The following TMEM131 variants were observed in gnomAD, a reference collection of about 807,000 sequenced individuals.
TMEM131 encodes the protein 2610524E03Rik.
TMEM131 carries 66 observed loss-of-function variants against 211.6 expected under a neutral mutation model. The observed-to-expected ratio is 0.31, with a 90% CI of 0.26 to 0.38. The LOEUF is 0.38. Among genes scored for constraint, TMEM131 ranks in the 10% least tolerant of loss-of-function variants. The pLI, the probability that TMEM131 is intolerant of heterozygous loss-of-function variation, is 1.00. For missense variants in TMEM131, 2,036 were observed against 2,299.3 expected, an observed-to-expected ratio of 0.89 and a Z score of 2.34; for synonymous variants, 844 against 841.3, an observed-to-expected ratio of 1.00 and a Z score of -0.06.
chr2:97,811,223 C>G lies in TMEM131; in HGVS notation c.1873G>C (p.Ala625Pro). 6.2e-7 allele frequency: 1 copy of G among 1,612,382 alleles called. No homozygotes were observed. The highest frequency in any genetic ancestry group is 1.1e-5 in the South Asian group (1 of 91,022). Residue 625 changes from alanine to proline, a missense_variant, in exon 18 of 41, where the codon GCT (alanine) becomes CCT (proline). Ala to Pro is a conservative substitution (Grantham distance 27). This residue lies in a region of TMEM131 where 1,623 missense variants were observed against 1,805.9 expected (regional missense o/e 0.90). Transcript: ENST00000186436. The stretch of plus-strand genomic sequence containing the variant: ...CTGAAGACTGCAAAATAGCCTGAAG[C>G]TAATGTTACCTGTAGATAGTAGAAA... ...SLSDQSSVTL[A>P]SGYFAVFRVK...
chr2:97,892,357 G>C (rs7557495), intron 3 of TMEM131, among the ~76,000 whole-genome samples: 52,450 of 151,860 alleles, frequency 0.35, 9,966 homozygotes, highest in Middle Eastern at 0.48. Flanking sequence ...TCGAAATGAT[G>C]ATCATTTTTT....
At chr2:97,846,399 C>A (rs962848584) in intron 5 of TMEM131, among the ~76,000 whole-genome samples, 1 of 152,102 alleles carries the variant, frequency 6.6e-6, no homozygotes, top group African/African-American at 2.4e-5. Context: ...ATTCAAAAAT[C>A]AAATCAATGT....
intron 19 of TMEM131, among the ~76,000 whole-genome samples, chr2:97,806,948 C>T (rs535927600): frequency 9.9e-5 from 15 of 152,264 alleles, no homozygotes; most frequent in African/African-American, 2.2e-4. Context: ...CAGGAGCCCT[C>T]GGGCAGTCAC....
intron 1 of TMEM131, among the ~76,000 whole-genome samples, chr2:97,950,513 C>T (rs1313177544): frequency 6.6e-6 from 1 of 152,170 alleles, no homozygotes; most frequent in Non-Finnish European, 1.5e-5. Flanking sequence ...ACTTGCTTCT[C>T]CCCCTGCTAG....
Position 97,994,844 on chromosome 2 carries a change from C to T in TMEM131, c.187+632G>A, listed in dbSNP as rs75949173. Among the ~76,000 whole-genome samples, 477 of 152,292 alleles carry T rather than the reference C, an allele frequency of 3.1e-3. 1 individual carries two copies. Among genetic ancestry groups the T allele is most frequent in the African/African-American group, 0.011 (454 of 41,548 alleles). On this transcript the variant is annotated intron_variant, in intron 1 of 40. Coordinates refer to ENST00000186436, the MANE Select transcript of TMEM131 (RefSeq NM_015348.2). ...ATAAATGCTTGCAAGCTGGCAACTT[C>T]ACGTTTATTTTTAAAGGCTTTCACA...
intron 1 of TMEM131, among the ~76,000 whole-genome samples, chr2:97,977,467 T>C (rs1457495907): frequency 1.3e-5 from 2 of 152,308 alleles, no homozygotes; most frequent in Middle Eastern, 3.4e-3. Context: ...AATGCAGGAA[T>C]GCCTCAGAGA....
At chr2:97,897,815 G>A (rs967035486) in intron 3 of TMEM131, among the ~76,000 whole-genome samples, 2 of 152,066 alleles carry the variant, frequency 1.3e-5, no homozygotes, top group Non-Finnish European at 1.5e-5. Flanking sequence ...GTGTCTGATC[G>A]AATTTACCAG....
chr2:97,918,620 A>T (rs1255315955), intron 2 of TMEM131, among the ~76,000 whole-genome samples: 2 of 152,166 alleles, frequency 1.3e-5, no homozygotes. Context: ...CAAAAACAAC[A>T]ACAAAAAGGC....
At chr2:97,942,891 G>C (rs1677808148) in intron 1 of TMEM131, among the ~76,000 whole-genome samples, 1 of 151,360 alleles carries the variant, frequency 6.6e-6, no homozygotes, top group South Asian at 2.1e-4. Flanking sequence ...GGAGGCTGAG[G>C]CTGAAGGATC....
At chr2:97,925,395 G>A (rs1236084365) in intron 2 of TMEM131, among the ~76,000 whole-genome samples, 1 of 152,180 alleles carries the variant, frequency 6.6e-6, no homozygotes, top group Non-Finnish European at 1.5e-5. Context: ...TTCTTCTGTT[G>A]AGATGCAGAT....
intron 31 of TMEM131, among the ~76,000 whole-genome samples, chr2:97,785,715 C>G (rs1680215691): frequency 6.6e-6 from 1 of 152,196 alleles, no homozygotes. Flanking sequence ...AACTTGTACA[C>G]AAATATTTGT....
intron 1 of TMEM131, among the ~76,000 whole-genome samples, chr2:97,967,529 G>A (rs747971075): frequency 3.3e-5 from 5 of 151,928 alleles, no homozygotes; most frequent in Non-Finnish European, 4.4e-5. Context: ...AAAAAAAAGA[G>A]TATAAAGATC....
At chr2:97,989,846 A>C (rs565452745) in intron 1 of TMEM131, among the ~76,000 whole-genome samples, 1 of 152,350 alleles carries the variant, frequency 6.6e-6, no homozygotes, top group South Asian at 2.1e-4. Flanking sequence ...AACAACAACA[A>C]AACAGATTTG....
chr2:97,818,686 C>A lies in TMEM131; in HGVS notation c.1110G>T (p.Thr370=). ...TTAATGTAATTGGTTTAAAGTGTAC[C>A]GTTATAGCATCATTTTGTGGTGTAG... is the stretch of plus-strand genomic sequence containing the variant. ...VRPTPQNDAI[T]VHFKPITLKA... is the part of the protein sequence containing the mutation. Residue 370 remains threonine (T), a synonymous_variant, in exon 12 of 41, where the codon ACG becomes ACT. Coordinates refer to ENST00000186436, the MANE Select transcript of TMEM131 (RefSeq NM_015348.2). 1.2e-6 allele frequency: 2 copies of A among 1,607,144 alleles called. No individual in the cohort carries two copies. The highest frequency in any genetic ancestry group is 1.7e-6 in the Non-Finnish European group (2 of 1,176,028).
intron 2 of TMEM131, among the ~76,000 whole-genome samples, chr2:97,923,814 C>T (rs376227341): frequency 7.2e-5 from 11 of 152,102 alleles, no homozygotes; most frequent in Admixed American, 2.0e-4. Context: ...TTAGGCCGGG[C>T]GCAGTGGCCT....
In TMEM131 at chr2:97,908,641, T is replaced by C; in HGVS notation, c.290+17A>G. 1 of 1,579,274 alleles carries C rather than the reference T, an allele frequency of 6.3e-7. No homozygotes were observed. Among genetic ancestry groups the C allele is most frequent in the Non-Finnish European group, 8.7e-7 (1 of 1,151,916 alleles). On this transcript the variant is annotated intron_variant, in intron 3 of 40. Transcript: ENST00000186436. ...AGGAACCGAAAGTATGTTAATTATCTTATTAAATATACTTACCTTTTCTGC... is the reference window on the plus strand; with the variant it reads ...AGGAACCGAAAGTATGTTAATTATCCTATTAAATATACTTACCTTTTCTGC...
intron 2 of TMEM131, among the ~76,000 whole-genome samples, chr2:97,915,729 T>C (rs1369249924): frequency 2.0e-5 from 3 of 152,196 alleles, no homozygotes; most frequent in Non-Finnish European, 4.4e-5. Flanking sequence ...ACTCTTTGCC[T>C]AGCCCTGTAA....
At chr2:97,865,524 T>C (rs1197923581) in intron 4 of TMEM131, among the ~76,000 whole-genome samples, 1 of 152,246 alleles carries the variant, frequency 6.6e-6, no homozygotes, top group East Asian at 1.9e-4. Flanking sequence ...TTTTCTGTGT[T>C]TATTGACTTG....
chr2:97,758,037 CAGG>C (rs1441877002), intron 40 of TMEM131, among the ~76,000 whole-genome samples: 1 of 151,490 alleles, frequency 6.6e-6, no homozygotes, highest in Non-Finnish European at 1.5e-5. Flanking sequence ...GAGGCTGAGG[CAGG>C]AGAATGGCAT....
Sources: gnomAD v4.1 joint callset for allele counts (sites outside exome capture counted in the v4.1 genomes callset) on GRCh38, gnomAD v4.1.1 for gene constraint, gnomAD v4.1.1 regional missense constraint, MANE v1.5 for transcripts, NCBI Gene and HGNC (gene_info 2026-07-23, HGNC 2026-07-21) for gene names.